GABRA2: variants seen among roughly 807,000 people sequenced by gnomAD.
The protein encoded by GABRA2 is gamma-aminobutyric acid receptor subunit alpha-2.
A neutral mutation model predicts 48.7 loss-of-function variants in GABRA2; 16 were observed. The observed-to-expected ratio is 0.33, with a 90% CI of 0.22 to 0.50. GABRA2 has a LOEUF of 0.50. Ranked by LOEUF, GABRA2 falls within the 20% of genes least tolerant of loss-of-function variation. GABRA2 has a pLI of 0.98. For synonymous variants in GABRA2, 185 were observed against 184.5 expected (o/e 1.00, Z -0.02); for missense variants, 275 against 535.6 (o/e 0.51, Z 4.80).
Position 46,340,539 on chromosome 4 carries a change from T to C in GABRA2, c.188-7857A>G, listed in dbSNP as rs563827045. ...ATGAGTGTTGGATTTTGTCAAATTA[T>C]TGTTTTTCACCTATGCAGATGATCA... On this transcript the variant is annotated intron_variant, in intron 3 of 9. Coordinates refer to ENST00000381620, the MANE Select transcript of GABRA2 (RefSeq NM_000807.4). 9.2e-5 allele frequency among the ~76,000 whole-genome samples: 14 copies of C among 152,158 alleles called. No individual in the cohort carries two copies. In the South Asian group the frequency reaches 2.9e-3, roughly 32 times the overall value.
At chr4:46,333,743 T>C (rs1356577172) in intron 3 of GABRA2, among the ~76,000 whole-genome samples, 3 of 152,102 alleles carry the variant, frequency 2.0e-5, no homozygotes, top group Non-Finnish European at 2.9e-5. Context: ...GTCAAACCTA[T>C]GTGGTAGATT....
chr4:46,264,054 G>A (rs1231581848), intron 8 of GABRA2, among the ~76,000 whole-genome samples: 2 of 151,608 alleles, frequency 1.3e-5, no homozygotes, highest in African/African-American at 2.4e-5. Flanking sequence ...TTCATTAAAT[G>A]TATTTATAGA....
intron 3 of GABRA2, among the ~76,000 whole-genome samples, chr4:46,334,957 T>G (rs1042744816): frequency 9.9e-5 from 15 of 152,204 alleles, no homozygotes; most frequent in Admixed American, 9.2e-4. Flanking sequence ...AGTTTTTTGG[T>G]TTTTTTGGTC....
At chr4:46,333,518 T>C (rs1057503073) in intron 3 of GABRA2, among the ~76,000 whole-genome samples, 31 of 152,110 alleles carry the variant, frequency 2.0e-4, no homozygotes, top group African/African-American at 7.2e-4. Context: ...CCATTAGCTG[T>C]CAGATTTGTA....
intron 8 of GABRA2, among the ~76,000 whole-genome samples, chr4:46,286,551 T>A (rs935512575): frequency 3.3e-5 from 5 of 152,118 alleles, no homozygotes; most frequent in African/African-American, 1.2e-4. Flanking sequence ...TGCAACATTT[T>A]AAATTATCAC....
At chr4:46,294,703 G>A (rs2109561272) in intron 8 of GABRA2, among the ~76,000 whole-genome samples, 1 of 152,226 alleles carries the variant, frequency 6.6e-6, no homozygotes, top group East Asian at 1.9e-4. Flanking sequence ...ACATCTCTAA[G>A]ATTTTGGAGA....
chr4:46,250,231 TATTA>T lies in GABRA2; in HGVS notation c.*73_*76del. The T allele has an allele frequency of 8.3e-7, 1 of 1,203,468 alleles. No homozygotes were observed. Among genetic ancestry groups the T allele is most frequent in the Admixed American group, 2.0e-5 (1 of 48,824 alleles). The allele number at this position is 1,203,468 out of a possible 1,614,324, so 74.5% of individuals were successfully genotyped here. A position where few individuals can be genotyped will look rare whatever the true frequency, so the allele number is the denominator to read the frequency against. On this transcript the variant is annotated 3_prime_UTR_variant, in exon 10 of 10. Transcript: ENST00000381620. Reference sequence around the variant, plus strand: ...ACATGTTGGATCACAAATTAGCAGTTATTAGTCAGACTGTACATAGCAAAACAAA... The same window carrying T: ...ACATGTTGGATCACAAATTAGCAGTTGTCAGACTGTACATAGCAAAACAAA...
rs117890740 is a variant in GABRA2, at chr4:46,302,337, G to A, written c.856+1123C>T. ...TGGCCTCCAACGTGCTAGGACTACA[G>A]GCATGAGGCATTACACTAACCTCTC... On this transcript the variant is annotated intron_variant, in intron 8 of 9. Transcript: ENST00000381620. 2.6e-4 allele frequency among the ~76,000 whole-genome samples: 39 copies of A among 152,074 alleles called. No homozygotes were observed. The East Asian group carries it at 6.6e-3, about 26-fold the overall frequency.
At chr4:46,288,628 T>TA (rs1235851703) in intron 8 of GABRA2, among the ~76,000 whole-genome samples, 2 of 152,082 alleles carry the variant, frequency 1.3e-5, no homozygotes, top group African/African-American at 4.8e-5. Context: ...AGAATCTAGG[T>TA]AATACCATTC....
chr4:46,268,878 T>A (rs1718766899), intron 8 of GABRA2, among the ~76,000 whole-genome samples: 2 of 151,910 alleles, frequency 1.3e-5, no homozygotes, highest in African/African-American at 2.4e-5. Flanking sequence ...AGAAATTCTG[T>A]CATTTGAGGC....
chr4:46,263,785 CA>C (rs34637276), intron 8 of GABRA2, among the ~76,000 whole-genome samples: 2 of 151,698 alleles, frequency 1.3e-5, no homozygotes. Flanking sequence ...TTCATCTTTG[CA>C]AAAAAGGTAA....
chr4:46,337,393 G>T (rs1732440488), intron 3 of GABRA2, among the ~76,000 whole-genome samples: 1 of 151,998 alleles, frequency 6.6e-6, no homozygotes. Flanking sequence ...TGGTTAACAT[G>T]TATATACAGA....
intron 4 of GABRA2, among the ~76,000 whole-genome samples, chr4:46,316,978 A>G (rs1482129228): frequency 6.6e-6 from 1 of 151,954 alleles, no homozygotes; most frequent in Non-Finnish European, 1.5e-5. Context: ...ACATAGTTAA[A>G]TTGATGGATA....
At chr4:46,338,028 G>A (rs1490301021) in intron 3 of GABRA2, among the ~76,000 whole-genome samples, 1 of 151,786 alleles carries the variant, frequency 6.6e-6, no homozygotes, top group African/African-American at 2.4e-5. Flanking sequence ...AATGATTGAT[G>A]GACATTTGAT....
chr4:46,354,132 G>GGTAA (rs1411070463), intron 3 of GABRA2, among the ~76,000 whole-genome samples: 2 of 152,244 alleles, frequency 1.3e-5, no homozygotes, highest in Non-Finnish European at 1.5e-5. Flanking sequence ...AACCCTATGA[G>GGTAA]GTAAGGTATT....
intron 3 of GABRA2, chr4:46,366,656 A>G (rs1486048445): frequency 2.0e-5 from 3 of 152,122 alleles, no homozygotes; most frequent in African/African-American, 7.2e-5. Context: ...GGGAGTTATA[A>G]TGAGTATTAA....
intron 3 of GABRA2, among the ~76,000 whole-genome samples, chr4:46,359,856 G>T (rs1412028355): frequency 2.6e-5 from 4 of 151,666 alleles, no homozygotes; most frequent in Non-Finnish European, 4.4e-5. Context: ...GGCAGAGCTT[G>T]CAGTGAGCCA....
At chr4:46,261,521 A>G (rs1283368770) in intron 9 of GABRA2, 1 of 244,236 alleles carries the variant, frequency 4.1e-6, no homozygotes, top group Admixed American at 4.9e-5. Flanking sequence ...CTTAACAGTC[A>G]GACAGGTAGA....
At chr4:46,350,599 T>G (rs71611976) in intron 3 of GABRA2, among the ~76,000 whole-genome samples, 12,868 of 151,752 alleles carry the variant, frequency 0.085, 1,249 homozygotes, top group African/African-American at 0.24. Context: ...TGCCTCAAAC[T>G]TAAATTAAAA....
Sources: gnomAD v4.1 joint callset for allele counts (sites outside exome capture counted in the v4.1 genomes callset) on GRCh38, gnomAD v4.1.1 for gene constraint, MANE v1.5 for transcripts, NCBI Gene and HGNC (gene_info 2026-07-23, HGNC 2026-07-21) for gene names.